The following CD84 variants were observed in gnomAD, a reference collection of about 807,000 sequenced individuals.
The protein encoded by CD84 is CD84 molecule.
In CD84, 22 loss-of-function variants were observed where a neutral mutation model predicts 33.8. The ratio of observed to expected loss-of-function variants is 0.65; its 90% CI spans 0.46 to 0.93. The LOEUF (loss-of-function observed/expected upper bound fraction) is 0.93, where lower values mean the gene tolerates loss of function less well. Ranked by LOEUF, CD84 falls within the 40% of genes least tolerant of loss-of-function variation. CD84 has a pLI of 0.00. For missense variants in CD84, 400 were observed against 397.6 expected (o/e 1.01, Z -0.05); for synonymous variants, 154 against 145.2 (o/e 1.06, Z -0.44).
chr1:160,566,186 ATCTCTGTAAAAAGC>A, intron 1 of CD84, among the ~76,000 whole-genome samples: 1 of 152,130 alleles, frequency 6.6e-6, no homozygotes, highest in Non-Finnish European at 1.5e-5. Flanking sequence ...TTTTCCTGTG[ATCTCTGTAAAAAGC>A]AAGTAACACT....
intron 4 of CD84, chr1:160,552,880 A>C (rs780397724): frequency 3.0e-6 from 2 of 665,692 alleles, no homozygotes; most frequent in South Asian, 1.7e-5. Flanking sequence ...TTGAGGGTCT[A>C]AGATCAGGTT....
intron 1 of CD84, among the ~76,000 whole-genome samples, chr1:160,574,274 CT>C (rs1657867911): frequency 6.6e-6 from 1 of 152,012 alleles, no homozygotes; most frequent in Non-Finnish European, 1.5e-5. Context: ...AGTATTTAAA[CT>C]GATTATTAAC....
intron 2 of CD84, 133 bp downstream of exon 2, chr1:160,565,271 T>C (rs1170015249): frequency 1.6e-6 from 1 of 627,442 alleles, no homozygotes; most frequent in Non-Finnish European, 2.7e-6. Context: ...TAAGTATTGA[T>C]GTATCAATAT....
chr1:160,567,406 A>G (rs920300616), intron 1 of CD84, among the ~76,000 whole-genome samples: 2 of 152,212 alleles, frequency 1.3e-5, no homozygotes, highest in Non-Finnish European at 2.9e-5. Context: ...CCGTAGGAGC[A>G]GTATCCGGGA....
intron 1 of CD84, among the ~76,000 whole-genome samples, chr1:160,574,375 C>A (rs1298859752): frequency 6.6e-6 from 1 of 152,064 alleles, no homozygotes; most frequent in Non-Finnish European, 1.5e-5. Context: ...GGACCCACAG[C>A]ATAGTTAGTA....
At chr1:160,550,419 G>A (rs997116658) in intron 5 of CD84, among the ~76,000 whole-genome samples, 2 of 152,100 alleles carry the variant, frequency 1.3e-5, no homozygotes, top group Admixed American at 6.6e-5. Context: ...CAGGGTGGAG[G>A]GGAGGGAGGG....
intron 2 of CD84, among the ~76,000 whole-genome samples, chr1:160,556,315 G>A (rs752925122): frequency 1.4e-4 from 22 of 152,228 alleles, no homozygotes; most frequent in Non-Finnish European, 2.9e-4. Context: ...AGGCTCTACT[G>A]CTCTCTAGCT....
chr1:160,565,675 G>C lies in CD84; in HGVS notation c.117C>G (p.Phe39Leu), dbSNP rs1423328393. The change falls in exon 2 of 7, where the codon TTC (phenylalanine) becomes TTG (leucine). Residue 39 changes from phenylalanine to leucine, a missense_variant. Transcript: ENST00000368054. ...VNGILGESVT[F>L]PVNIQEPRQV... ...GCCGTGGTTCTTGGATATTTACAGGGAAAGTGACTGACTCTCCCAGAATCC... is the reference window on the plus strand; with the variant it reads ...GCCGTGGTTCTTGGATATTTACAGGCAAAGTGACTGACTCTCCCAGAATCC... 1.9e-6 allele frequency: 3 copies of C among 1,613,628 alleles called. No individual in the cohort carries two copies. In the East Asian group the frequency reaches 6.7e-5, roughly 36 times the overall value.
intron 6 of CD84, among the ~76,000 whole-genome samples, chr1:160,549,210 A>G (rs1007039175): frequency 1.1e-4 from 16 of 152,152 alleles, no homozygotes; most frequent in African/African-American, 3.9e-4. Context: ...ATTGCCTTAT[A>G]GGATCACTCT....
chr1:160,552,066 G>T (rs538080848), intron 4 of CD84, among the ~76,000 whole-genome samples: 30 of 152,170 alleles, frequency 2.0e-4, no homozygotes, highest in Admixed American at 5.9e-4. Context: ...CATAATCCAG[G>T]GCACCAACAT....
At chr1:160,567,926 C>T (rs994672956) in intron 1 of CD84, among the ~76,000 whole-genome samples, 3 of 152,170 alleles carry the variant, frequency 2.0e-5, no homozygotes, top group Non-Finnish European at 2.9e-5. Flanking sequence ...GGACCCTGAA[C>T]TGGACTTAAG....
In CD84 at chr1:160,572,002, G is replaced by A. The variant is rs184805390; in HGVS notation, c.47-6257C>T. On this transcript the variant is annotated intron_variant, in intron 1 of 6. Transcript: ENST00000368054. ...CACACCCTCACCTGAAGTGGAAAGG[G>A]GAAAGGAAAGGATAAGTGAAAGAGC... Among the ~76,000 whole-genome samples, 265 of 151,782 alleles carry A rather than the reference G, an allele frequency of 1.7e-3. 1 individual carries two copies. The highest frequency in any genetic ancestry group is 6.2e-3 in the African/African-American group (258 of 41,532).
In CD84 at chr1:160,548,130, A is replaced by C. The variant is rs1655940598; in HGVS notation, c.*126T>G. 1.0e-6 allele frequency: 1 copy of C among 962,146 alleles called. No individual in the cohort carries two copies. Among genetic ancestry groups the C allele is most frequent in the Non-Finnish European group, 1.6e-6 (1 of 615,596 alleles). 59.6% of individuals were successfully genotyped at this position (962,146 alleles called of 1,614,324 possible). ...CAGCAGAAGGTTTCCTGCTTTGCTT[A>C]CAGGCTGAGATGTGGCAGTTTGCAA... On this transcript the variant is annotated 3_prime_UTR_variant, in exon 7 of 7. Transcript: ENST00000368054.
intron 2 of CD84, among the ~76,000 whole-genome samples, chr1:160,555,927 TC>T: frequency 6.6e-6 from 1 of 152,354 alleles, no homozygotes. Context: ...AGGGATCTAT[TC>T]CATATTAGAA....
intron 6 of CD84, 89 bp from the exon 7 acceptor site, chr1:160,548,410 A>G: frequency 7.5e-7 from 1 of 1,338,048 alleles, no homozygotes; most frequent in East Asian, 2.3e-5. Flanking sequence ...AGTTAAGCAA[A>G]TGGCACGGGG....
intron 2 of CD84, among the ~76,000 whole-genome samples, chr1:160,554,901 C>CTATATATACAGAATATATATATATATT (rs377611146): frequency 6.6e-6 from 1 of 151,444 alleles, no homozygotes; most frequent in African/African-American, 2.4e-5. Flanking sequence ...AAAATAAATT[C>CTATATATACAGAATATATATATATATT]TATATAGAAT....
At chr1:160,551,316 T>C in intron 4 of CD84, 1 of 381,120 alleles carries the variant, frequency 2.6e-6, no homozygotes, top group Admixed American at 4.3e-5. Context: ...AATGTAGCTC[T>C]TCTACCCAGG....
At chr1:160,559,506 G>T (rs1656814583) in intron 2 of CD84, among the ~76,000 whole-genome samples, 1 of 152,076 alleles carries the variant, frequency 6.6e-6, no homozygotes, top group Admixed American at 6.6e-5. Flanking sequence ...AGGGAAAACA[G>T]GTACCAGCCA....
chr1:160,547,994 GGAA>G lies in CD84; in HGVS notation c.*259_*261del. On this transcript the variant is annotated 3_prime_UTR_variant, in exon 7 of 7. Transcript: ENST00000368054. ...ATTATTTTCTACATGTGCTATGATG[GGAA>G]GAAGTTTGGGAAAACTATACTAGGT... The G allele has an allele frequency of 2.0e-6, 1 of 504,144 alleles. No homozygotes were observed. The allele number at this position is 504,144 out of a possible 1,614,324, so 31.2% of individuals were successfully genotyped here. A position where few individuals can be genotyped will look rare whatever the true frequency, so the allele number is the denominator to read the frequency against.
Sources: gnomAD v4.1 joint callset for allele counts (sites outside exome capture counted in the v4.1 genomes callset) on GRCh38, gnomAD v4.1.1 for gene constraint, MANE v1.5 for transcripts, NCBI Gene and HGNC (gene_info 2026-07-23, HGNC 2026-07-21) for gene names.